The following DLEU7 variants were observed in gnomAD, a reference collection of about 807,000 sequenced individuals.
The protein encoded by DLEU7 is leukemia-associated protein 7.
DLEU7 carries 17 observed loss-of-function variants against 16.0 expected under a neutral mutation model. The observed-to-expected ratio is 1.06, with a 90% CI of 0.73 to 1.59. The LOEUF (loss-of-function observed/expected upper bound fraction) is 1.59, where lower values mean the gene tolerates loss of function less well. DLEU7 is among the 40% of genes most tolerant of loss of function. DLEU7 has a pLI of 0.00. For synonymous variants in DLEU7, 113 were observed against 139.8 expected (o/e 0.81, Z 1.35); for missense variants, 308 against 314.9 (o/e 0.98, Z 0.17).
intron 1 of DLEU7, among the ~76,000 whole-genome samples, chr13:50,739,850 A>G (rs1249399839): frequency 1.3e-5 from 2 of 152,168 alleles, no homozygotes; most frequent in African/African-American, 4.8e-5. Flanking sequence ...AAATGCTTAG[A>G]TACATAATGA....
intron 1 of DLEU7, among the ~76,000 whole-genome samples, chr13:50,833,370 G>A (rs534197813): frequency 2.6e-5 from 4 of 152,264 alleles, no homozygotes; most frequent in Admixed American, 2.6e-4. Context: ...CAAAATCAAT[G>A]TGCAAAAATC....
chr13:50,759,754 A>G (rs963971435), intron 1 of DLEU7, among the ~76,000 whole-genome samples: 10 of 152,128 alleles, frequency 6.6e-5, no homozygotes, highest in Non-Finnish European at 1.3e-4. Flanking sequence ...TATTGGACCT[A>G]TTTTAGATTC....
At chr13:50,763,293 A>G (rs1439934885) in intron 1 of DLEU7, among the ~76,000 whole-genome samples, 1 of 152,194 alleles carries the variant, frequency 6.6e-6, no homozygotes, top group Non-Finnish European at 1.5e-5. Flanking sequence ...AATGTTAAGC[A>G]GAGAACTATG....
At chr13:50,757,296 G>C (rs940231537) in intron 1 of DLEU7, among the ~76,000 whole-genome samples, 1 of 152,162 alleles carries the variant, frequency 6.6e-6, no homozygotes, top group Non-Finnish European at 1.5e-5. Flanking sequence ...CAACACAAAA[G>C]TGAGGCAGAC....
At chr13:50,819,401 G>C (rs1876829495), downstream of DLEU7, among the ~76,000 whole-genome samples, 1 of 152,134 alleles carries the variant, frequency 6.6e-6, no homozygotes, top group African/African-American at 2.4e-5. Context: ...GGAAGCTATT[G>C]GTAGAGCAGA....
At chr13:50,757,726 G>A (rs1874804742) in intron 1 of DLEU7, among the ~76,000 whole-genome samples, 2 of 152,166 alleles carry the variant, frequency 1.3e-5, no homozygotes, top group Non-Finnish European at 1.5e-5. Context: ...CTTTCTAAAT[G>A]TGATTATAAA....
Position 50,777,867 on chromosome 13 carries a change from G to A in DLEU7, c.460-64627C>T, listed in dbSNP as rs141268629. On this transcript the variant is annotated intron_variant, in intron 1 of 1. Coordinates refer to the DLEU7 transcript ENST00000400393. Reference sequence around the variant, plus strand: ...ACCTTTCTAACCTTTTTCCTCCCCTGTATTAAGAAATATCTAACTTTATAT... The same window carrying A: ...ACCTTTCTAACCTTTTTCCTCCCCTATATTAAGAAATATCTAACTTTATAT... Among the ~76,000 whole-genome samples the A allele has an allele frequency of 3.4e-3, 523 of 152,146 alleles. 4 individuals are homozygous for A. The highest frequency in any genetic ancestry group is 0.012 in the African/African-American group (505 of 41,522).
chr13:50,725,680 G>A (rs1205537844), intron 1 of DLEU7, among the ~76,000 whole-genome samples: 1 of 152,158 alleles, frequency 6.6e-6, no homozygotes, highest in African/African-American at 2.4e-5. Flanking sequence ...CAGGAGCGGG[G>A]GCATGGGAGG....
At chr13:50,801,555 G>A (rs942214404) in intron 1 of DLEU7, among the ~76,000 whole-genome samples, 7 of 152,144 alleles carry the variant, frequency 4.6e-5, no homozygotes, top group African/African-American at 9.6e-5. Context: ...AATCCCTTTC[G>A]TTCAATGCCT....
At chr13:50,773,565 C>G (rs947850252) in intron 1 of DLEU7, among the ~76,000 whole-genome samples, 19 of 152,208 alleles carry the variant, frequency 1.2e-4, no homozygotes, top group African/African-American at 4.6e-4. Context: ...TGGAGGTCCA[C>G]TCCAGACCCT....
chr13:50,782,956 G>C (rs534452364), intron 1 of DLEU7, among the ~76,000 whole-genome samples: 1 of 152,264 alleles, frequency 6.6e-6, no homozygotes, highest in Admixed American at 6.5e-5. Context: ...CTTCAAAGGC[G>C]TGTGTCTCTT....
chr13:50,711,772 C>CCGGGGGGGGGGGGGG, downstream of DLEU7: 60 of 72,814 alleles, frequency 8.2e-4, 6 homozygotes, highest in Admixed American at 1.6e-3. Context: ...GACCCAGTGG[C>CCGGGGGGGGGGGGGG]GGGGGCGGGG....
At chr13:50,724,988 G>A (rs1873728246) in intron 1 of DLEU7, among the ~76,000 whole-genome samples, 1 of 152,186 alleles carries the variant, frequency 6.6e-6, no homozygotes, top group Admixed American at 6.5e-5. Flanking sequence ...CCTACCGCAG[G>A]TGTTCCAGAA....
intron 1 of DLEU7, among the ~76,000 whole-genome samples, chr13:50,741,880 G>A (rs1874259298): frequency 1.3e-5 from 2 of 152,206 alleles, no homozygotes; most frequent in Admixed American, 6.5e-5. Flanking sequence ...TTGCATGGGA[G>A]GGCCAAATGC....
At chr13:50,771,863 G>A (rs1008204348) in intron 1 of DLEU7, among the ~76,000 whole-genome samples, 4 of 152,102 alleles carry the variant, frequency 2.6e-5, no homozygotes, top group Admixed American at 6.5e-5. Flanking sequence ...TGACAGTGGG[G>A]TATTAAAGTC....
chr13:50,809,588 T>C (rs966536986), intron 1 of DLEU7, among the ~76,000 whole-genome samples: 1 of 152,106 alleles, frequency 6.6e-6, no homozygotes, highest in African/African-American at 2.4e-5. Context: ...CAGCATGCAA[T>C]CTTACCTTCT....
At chr13:50,799,830 T>C (rs1876199400) in intron 1 of DLEU7, among the ~76,000 whole-genome samples, 1 of 152,258 alleles carries the variant, frequency 6.6e-6, no homozygotes, top group South Asian at 2.1e-4. Context: ...CTGTGATTGC[T>C]AACTGTATTG....
intron 1 of DLEU7, among the ~76,000 whole-genome samples, chr13:50,741,657 G>A (rs1179416605): frequency 6.6e-6 from 1 of 151,982 alleles, no homozygotes; most frequent in Non-Finnish European, 1.5e-5. Flanking sequence ...ATTCCCCATA[G>A]CTGTTCCTAC....
At chr13:50,713,332 T>A in intron 1 of DLEU7, 2 of 1,470,474 alleles carry the variant, frequency 1.4e-6, no homozygotes, top group Non-Finnish European at 1.9e-6. Flanking sequence ...CTATATTGCA[T>A]TTTAGGAATG....
Sources: gnomAD v4.1 joint callset for allele counts (sites outside exome capture counted in the v4.1 genomes callset) on GRCh38, gnomAD v4.1.1 for gene constraint, MANE v1.5 for transcripts, NCBI Gene and HGNC (gene_info 2026-07-23, HGNC 2026-07-21) for gene names.